The following KCNT1 variants were observed in gnomAD, a reference collection of about 807,000 sequenced individuals.
The protein encoded by KCNT1 is potassium sodium-activated channel subfamily T member 1.
A neutral mutation model predicts 147.8 loss-of-function variants in KCNT1; 78 were observed. That is an observed-to-expected ratio of 0.53 (90% CI 0.44 to 0.64). The LOEUF is 0.64. Ranked by LOEUF, KCNT1 falls within the 30% of genes least tolerant of loss-of-function variation. The pLI, the probability that KCNT1 is intolerant of heterozygous loss-of-function variation, is 0.00. For synonymous variants in KCNT1, 867 were observed against 748.8 expected (o/e 1.16, Z -2.58); for missense variants, 1,419 against 1,750.3 (o/e 0.81, Z 3.38).
At chr9:135,762,767 AACAAG>A (rs1286905214) in intron 11 of KCNT1, among the ~76,000 whole-genome samples, 3 of 152,222 alleles carry the variant, frequency 2.0e-5, no homozygotes, top group Non-Finnish European at 2.9e-5. Flanking sequence ...TCTTAAAACA[AACAAG>A]ACAAGGTGAC....
chr9:135,747,155 GAAC>G (rs1163261807), intron 2 of KCNT1, among the ~76,000 whole-genome samples: 4 of 152,110 alleles, frequency 2.6e-5, no homozygotes, highest in Non-Finnish European at 4.4e-5. Context: ...GCGGAGGGGA[GAAC>G]AACAGAGCTC....
rs1238427927 is a variant in KCNT1, at chr9:135,785,332, T to C, written c.3177+2T>C. Reference sequence around the variant, plus strand: ...CAGCCCCACGACCTCAGAGCCCAGGTAAGCAACCCCTCCGTGCCCACGCAG... The same window carrying C: ...CAGCCCCACGACCTCAGAGCCCAGGCAAGCAACCCCTCCGTGCCCACGCAG... On this transcript the variant is annotated splice_donor_variant, in intron 28 of 30. Transcript: ENST00000371757. LOFTEE classifies it high-confidence loss of function. 2 of 1,612,832 alleles carry C rather than the reference T, an allele frequency of 1.2e-6. No individual in the cohort carries two copies. The highest frequency in any genetic ancestry group is 1.7e-6 in the Non-Finnish European group (2 of 1,179,938).
At chr9:135,791,665 G>A (rs1834538555) in intron 29 of KCNT1, 132 bp from the exon 30 acceptor site, 4 of 765,216 alleles carry the variant, frequency 5.2e-6, no homozygotes, top group South Asian at 4.7e-5. Context: ...CCAGGATGAG[G>A]TGCTGGAGCA....
chr9:135,771,182 T>G lies in KCNT1; in HGVS notation c.2008+87T>G, dbSNP rs994822844. 7 of 1,255,134 alleles carry G rather than the reference T, an allele frequency of 5.6e-6. No homozygotes were observed. In the Middle Eastern group the frequency reaches 7.8e-4, roughly 140 times the overall value. 77.7% of individuals were successfully genotyped at this position (1,255,134 alleles called of 1,614,324 possible). On this transcript the variant is annotated intron_variant, in intron 18 of 30. Coordinates refer to ENST00000371757, the MANE Select transcript of KCNT1 (RefSeq NM_020822.3). The stretch of plus-strand genomic sequence containing the variant: ...GACACCGGCAGGTGACCAGGTGGGA[T>G]GGGAGACCAGGCAGGACAGGGGGAG...
At chr9:135,703,750 C>T (rs888958243) in intron 1 of KCNT1, among the ~76,000 whole-genome samples, 1 of 152,232 alleles carries the variant, frequency 6.6e-6, no homozygotes, top group African/African-American at 2.4e-5. Context: ...ACCTACCCTG[C>T]TGGGCCTGAC....
In KCNT1 at chr9:135,792,758, G is replaced by A. The variant is rs1834634750; in HGVS notation, c.*597G>A. On this transcript the variant is annotated 3_prime_UTR_variant, in exon 31 of 31. Transcript: ENST00000371757. ...GCCCGGGGAAGCCGGGCATGTGAGAGGGGTGCGTCCCCAGGTCCCCCAGAG... is the reference window on the plus strand; with the variant it reads ...GCCCGGGGAAGCCGGGCATGTGAGAAGGGTGCGTCCCCAGGTCCCCCAGAG... 6.6e-6 allele frequency: 1 copy of A among 152,362 alleles called. No homozygotes were observed. Among genetic ancestry groups the A allele is most frequent in the African/African-American group, 2.4e-5 (1 of 41,468 alleles). The allele number at this position is 152,362 out of a possible 1,614,324, so 9.4% of individuals were successfully genotyped here. A position where few individuals can be genotyped will look rare whatever the true frequency, so the allele number is the denominator to read the frequency against.
intron 24 of KCNT1, among the ~76,000 whole-genome samples, chr9:135,783,752 G>A (rs184684397): frequency 3.9e-5 from 6 of 152,366 alleles, no homozygotes; most frequent in East Asian, 1.9e-4. Flanking sequence ...GGCAGCCGCC[G>A]GGAGTCCACC....
chr9:135,757,467 T>G (rs1172229463), intron 9 of KCNT1, 86 bp downstream of exon 9: 12 of 1,239,510 alleles, frequency 9.7e-6, no homozygotes, highest in Non-Finnish European at 1.3e-5. Context: ...CGACGTAGCC[T>G]GCCACGCCCC....
At chr9:135,734,138 A>AAAGGGC (rs2131368533) in intron 2 of KCNT1, among the ~76,000 whole-genome samples, 1 of 152,222 alleles carries the variant, frequency 6.6e-6, no homozygotes, top group East Asian at 1.9e-4. Context: ...GTGCTCTCTA[A>AAAGGGC]AAGGGCAGTT....
intron 1 of KCNT1, among the ~76,000 whole-genome samples, chr9:135,703,411 G>A (rs1294228493): frequency 6.6e-6 from 1 of 152,210 alleles, no homozygotes; most frequent in Non-Finnish European, 1.5e-5. Flanking sequence ...GGTCTTTAAG[G>A]GCTGCCTCTG....
intron 19 of KCNT1, 68 bp from the exon 20 acceptor site, chr9:135,775,242 G>A: frequency 8.0e-7 from 1 of 1,254,236 alleles, no homozygotes; most frequent in South Asian, 1.4e-5. Context: ...CCCAGCCCGA[G>A]GGGGGCCCCA....
intron 2 of KCNT1, among the ~76,000 whole-genome samples, chr9:135,728,075 C>A (rs901112730): frequency 1.3e-5 from 2 of 152,216 alleles, no homozygotes; most frequent in Admixed American, 1.3e-4. Flanking sequence ...GATTAACAGG[C>A]AGAAGGAGAT....
chr9:135,751,421 C>T (rs746898824), intron 4 of KCNT1, among the ~76,000 whole-genome samples: 1 of 152,078 alleles, frequency 6.6e-6, no homozygotes. Context: ...GGGAAAGCCC[C>T]TACCTGTTTC....
chr9:135,722,679 C>G (rs1397268711), intron 2 of KCNT1, among the ~76,000 whole-genome samples: 1 of 152,362 alleles, frequency 6.6e-6, no homozygotes, highest in East Asian at 1.9e-4. Context: ...GCGGACCAGG[C>G]TCCTGGTGAG....
intron 2 of KCNT1, chr9:135,736,499 C>G (rs189462281): frequency 0.032 from 4,929 of 152,118 alleles, 311 homozygotes; most frequent in East Asian, 0.27. Flanking sequence ...CCTCCCCAGC[C>G]CCCCAGCCCC....
chr9:135,737,826 G>T (rs573010613), intron 2 of KCNT1, among the ~76,000 whole-genome samples: 14 of 152,314 alleles, frequency 9.2e-5, no homozygotes, highest in Non-Finnish European at 1.9e-4. Flanking sequence ...GCAGCCCTGG[G>T]GGGGCACTGC....
At chr9:135,733,287 C>T (rs1297492978) in intron 2 of KCNT1, among the ~76,000 whole-genome samples, 1 of 97,922 alleles carries the variant, frequency 1.0e-5, no homozygotes, top group African/African-American at 4.1e-5. Context: ...CTGCCCCCCA[C>T]ACCTGCCCCT....
intron 2 of KCNT1, among the ~76,000 whole-genome samples, chr9:135,728,251 T>C (rs1836296018): frequency 6.6e-6 from 1 of 152,236 alleles, no homozygotes; most frequent in African/African-American, 2.4e-5. Context: ...TGTCCAACTC[T>C]GGCCTCCAGA....
intron 5 of KCNT1, among the ~76,000 whole-genome samples, chr9:135,754,647 G>A (rs1831372372): frequency 6.6e-6 from 1 of 152,224 alleles, no homozygotes; most frequent in African/African-American, 2.4e-5. Flanking sequence ...GAGGAACTGA[G>A]ACTCGGGGAA....
Sources: allele counts gnomAD v4.1 joint callset (sites outside exome capture counted in the v4.1 genomes callset), GRCh38; gene constraint gnomAD v4.1.1; transcripts MANE v1.5; gene names NCBI Gene and HGNC (gene_info 2026-07-23, HGNC 2026-07-21).